The following ETFBKMT variants were observed in gnomAD, a reference collection of about 807,000 sequenced individuals.
ETFBKMT encodes the protein electron transfer flavoprotein subunit beta lysine methyltransferase.
ETFBKMT carries 13 observed loss-of-function variants against 18.3 expected under a neutral mutation model. That is an observed-to-expected ratio of 0.71 (90% CI 0.46 to 1.13). The LOEUF (loss-of-function observed/expected upper bound fraction) is 1.13. Ranked by LOEUF, ETFBKMT falls within the 50% of genes most tolerant of loss-of-function variation. ETFBKMT has a pLI of 0.00. For missense variants in ETFBKMT, 293 were observed against 306.2 expected (o/e 0.96, Z 0.32); for synonymous variants, 84 against 107.9 (o/e 0.78, Z 1.37).
Position 31,666,089 on chromosome 12 carries a change from A to T in ETFBKMT, c.317A>T (p.Tyr106Phe), listed in dbSNP as rs763545488. The T allele has an allele frequency of 3.3e-5, 53 of 1,607,634 alleles. No individual in the cohort carries two copies. The highest frequency in any genetic ancestry group is 1.7e-4 in the Middle Eastern group (1 of 6,048). ...CATGTTTCTCCTTTTTAATTTAGGT[A>T]TCTTTTGGATAATCCTGATGTTGTC... is the stretch of plus-strand genomic sequence containing the variant. Reference protein sequence around the residue: ...YWPGGQALSRYLLDNPDVVRG... With the variant: ...YWPGGQALSRFLLDNPDVVRG... Residue 106 changes from tyrosine to phenylalanine, a missense_variant and splice_region_variant, in exon 3 of 4, where the codon TAT becomes TTT. Transcript: ENST00000357721.
intron 1 of ETFBKMT, among the ~76,000 whole-genome samples, chr12:31,648,824 G>A (rs933550364): frequency 3.3e-5 from 5 of 151,938 alleles, no homozygotes; most frequent in African/African-American, 1.2e-4. Flanking sequence ...GCCTCCCAAA[G>A]TGCTGGGATT....
At position 31,670,861 on chromosome 12, in the gene ETFBKMT, C is replaced by T. The variant is rs1308917377; in HGVS notation, c.*2871C>T. 1 of 151,816 alleles carries T rather than the reference C, an allele frequency of 6.6e-6. No homozygotes were observed. Among genetic ancestry groups the T allele is most frequent in the Non-Finnish European group, 1.5e-5 (1 of 67,996 alleles). 9.4% of individuals were successfully genotyped at this position (151,816 alleles called of 1,614,324 possible). ...ACTTTGTCCTTATGAAATTTGTATTCTAGAGTAGGGAGACATAATGAACAA... is the reference window on the plus strand; with the variant it reads ...ACTTTGTCCTTATGAAATTTGTATTTTAGAGTAGGGAGACATAATGAACAA... On this transcript the variant is annotated 3_prime_UTR_variant, in exon 4 of 4. Coordinates refer to ENST00000357721, the MANE Select transcript of ETFBKMT (RefSeq NM_001135863.2).
intron 1 of ETFBKMT, among the ~76,000 whole-genome samples, chr12:31,647,626 C>T (rs111583190): frequency 0.014 from 2,113 of 152,156 alleles, 60 homozygotes; most frequent in African/African-American, 0.048. Flanking sequence ...GTCAGGAGTT[C>T]GAGATCAGCC....
At chr12:31,658,926 C>CT (rs10716608), upstream of ETFBKMT, among the ~76,000 whole-genome samples, 8,258 of 137,206 alleles carry the variant, frequency 0.06, 467 homozygotes, top group African/African-American at 0.15. Flanking sequence ...TATACTGTGT[C>CT]TTTTTTTTTT....
chr12:31,665,513 C>G (rs59834841), intron 2 of ETFBKMT, among the ~76,000 whole-genome samples: 2,736 of 151,864 alleles, frequency 0.018, 74 homozygotes, highest in African/African-American at 0.062. Flanking sequence ...TCTTTTTTTG[C>G]ATACCTCTTA....
chr12:31,661,673 C>T (rs886409654), intron 1 of ETFBKMT, among the ~76,000 whole-genome samples, 168 bp from the exon 2 acceptor site: 14 of 152,126 alleles, frequency 9.2e-5, no homozygotes, highest in Admixed American at 2.0e-4. Context: ...GATGGCCACA[C>T]TGGTCTTGAA....
intron 3 of ETFBKMT, among the ~76,000 whole-genome samples, chr12:31,667,086 G>A (rs1161805691): frequency 7.3e-5 from 11 of 149,792 alleles, no homozygotes; most frequent in Admixed American, 6.7e-4. Context: ...CCTCCACCTC[G>A]TGGGTTCAAG....
upstream of ETFBKMT, among the ~76,000 whole-genome samples, chr12:31,656,251 A>G (rs61561194): frequency 0.059 from 9,046 of 152,164 alleles, 537 homozygotes; most frequent in East Asian, 0.27. Flanking sequence ...GAGGACCTTA[A>G]CGTTGAACTG....
At chr12:31,654,494 TGTAATA>T (rs1389795625), upstream of ETFBKMT, among the ~76,000 whole-genome samples, 1 of 152,240 alleles carries the variant, frequency 6.6e-6, no homozygotes, top group African/African-American at 2.4e-5. Context: ...CAGCTTTATT[TGTAATA>T]GTAAAAGAAA....
intron 1 of ETFBKMT, among the ~76,000 whole-genome samples, chr12:31,651,588 T>C (rs1951018695): frequency 6.6e-6 from 1 of 152,058 alleles, no homozygotes; most frequent in Non-Finnish European, 1.5e-5. Context: ...CGCCTCCGCC[T>C]CCCAAAGTGC....
chr12:31,653,065 C>T (rs1228577814), intron 1 of ETFBKMT, among the ~76,000 whole-genome samples: 1 of 152,148 alleles, frequency 6.6e-6, no homozygotes, highest in Non-Finnish European at 1.5e-5. Flanking sequence ...AAAAATCAGC[C>T]GGCCTTGGCG....
intron 2 of ETFBKMT, among the ~76,000 whole-genome samples, chr12:31,664,741 G>A (rs1489209559): frequency 1.3e-5 from 2 of 149,050 alleles, no homozygotes; most frequent in African/African-American, 2.5e-5. Context: ...TCAGCCTCCC[G>A]AGTAGCTGGG....
intron 1 of ETFBKMT, among the ~76,000 whole-genome samples, chr12:31,648,868 G>A (rs956656800): frequency 1.3e-5 from 2 of 152,034 alleles, no homozygotes; most frequent in Non-Finnish European, 1.5e-5. Flanking sequence ...GCCCTGTGAC[G>A]GGGTTTCACC....
intron 2 of ETFBKMT, among the ~76,000 whole-genome samples, 178 bp from the exon 3 acceptor site, chr12:31,665,909 C>T (rs376136440): frequency 1.3e-3 from 198 of 152,344 alleles, no homozygotes; most frequent in African/African-American, 4.4e-3. Context: ...GCCCTCATTC[C>T]GGTAAACCCA....
At chr12:31,650,493 C>T (rs1160380178) in intron 1 of ETFBKMT, among the ~76,000 whole-genome samples, 1 of 152,138 alleles carries the variant, frequency 6.6e-6, no homozygotes, top group Non-Finnish European at 1.5e-5. Flanking sequence ...CTTTCTTAAA[C>T]TTGCTTTCAC....
At chr12:31,648,023 C>A (rs946545897) in intron 1 of ETFBKMT, among the ~76,000 whole-genome samples, 2 of 152,290 alleles carry the variant, frequency 1.3e-5, no homozygotes, top group Admixed American at 1.3e-4. Context: ...TAGGTATATA[C>A]CCAAGTGAAT....
chr12:31,649,667 G>C (rs1346570921), intron 1 of ETFBKMT, among the ~76,000 whole-genome samples: 4 of 151,928 alleles, frequency 2.6e-5, no homozygotes, highest in African/African-American at 9.7e-5. Context: ...CTGTTCTGGT[G>C]ATCTGTGATC....
chr12:31,664,747 C>G (rs1420169765), intron 2 of ETFBKMT, among the ~76,000 whole-genome samples: 7 of 151,508 alleles, frequency 4.6e-5, no homozygotes, highest in Middle Eastern at 3.4e-3. Context: ...TCCCGAGTAG[C>G]TGGGATTACA....
At chr12:31,655,069 A>AG, upstream of ETFBKMT, among the ~76,000 whole-genome samples, 1 of 44,044 alleles carries the variant, frequency 2.3e-5, no homozygotes, top group African/African-American at 4.7e-5. Flanking sequence ...AAACAAACAA[A>AG]CAAACAAAAA....
Sources: gnomAD v4.1 joint callset for allele counts (sites outside exome capture counted in the v4.1 genomes callset) on GRCh38, gnomAD v4.1.1 for gene constraint, MANE v1.5 for transcripts, NCBI Gene and HGNC (gene_info 2026-07-23, HGNC 2026-07-21) for gene names.